Variants in PRPF6 observed in about 807,000 individuals in gnomAD.
PRPF6 encodes the protein pre-mRNA processing factor 6, also known as pre-mRNA-processing factor 6.
In PRPF6, 42 loss-of-function variants were observed where a neutral mutation model predicts 118.3. The observed-to-expected ratio is 0.35, with a 90% CI of 0.28 to 0.46. The LOEUF is 0.46. Ranked by LOEUF, PRPF6 falls within the 20% of genes least tolerant of loss-of-function variation. PRPF6 has a pLI of 1.00. For synonymous variants in PRPF6, 481 were observed against 485.1 expected, an observed-to-expected ratio of 0.99 and a Z score of 0.11; for missense variants, 662 against 1,255.7, an observed-to-expected ratio of 0.53 and a Z score of 7.15.
chr20:63,995,857 A>G (rs942946011), intron 6 of PRPF6, among the ~76,000 whole-genome samples: 8 of 151,970 alleles, frequency 5.3e-5, no homozygotes, highest in Non-Finnish European at 7.4e-5. Flanking sequence ...GGGTTTTACC[A>G]TGTTGGCCAG....
intron 9 of PRPF6, among the ~76,000 whole-genome samples, chr20:64,004,859 G>A (rs970935088): frequency 6.6e-6 from 1 of 152,206 alleles, no homozygotes; most frequent in African/African-American, 2.4e-5. Flanking sequence ...GTGTGGAAGT[G>A]GAGTTATTTT....
chr20:63,993,738 ATTTTCTTTTTTCTT>A (rs1354063478), intron 4 of PRPF6, among the ~76,000 whole-genome samples: 1 of 150,532 alleles, frequency 6.6e-6, no homozygotes, highest in Non-Finnish European at 1.5e-5. Flanking sequence ...TATACCTAAG[ATTTTCTTTTTTCTT>A]TTTTCTTTTT....
At chr20:64,032,327 T>A (rs564091636) in intron 20 of PRPF6, among the ~76,000 whole-genome samples, 3 of 152,346 alleles carry the variant, frequency 2.0e-5, no homozygotes, top group Admixed American at 2.0e-4. Context: ...AACGAGTTAT[T>A]TGCTGGCTGG....
Position 63,995,084 on chromosome 20 carries a change from C to G in PRPF6, c.607C>G (p.Arg203Gly), listed in dbSNP as rs760901426. The change falls in exon 5 of 21, where the codon CGA (arginine) becomes GGA (glycine). Residue 203 changes from arginine (R) to glycine (G), a missense_variant. Transcript: ENST00000266079. ...AGAGAACCATACCTCAGTGGATCCC[C>G]GACAAACTGTGAGCTTCCAAAAAAG... Reference protein sequence around the residue: ...TGENHTSVDPRQTQFGGLNTP... With the variant: ...TGENHTSVDPGQTQFGGLNTP... The G allele has an allele frequency of 6.2e-7, 1 of 1,614,082 alleles. No individual in the cohort carries two copies. Among genetic ancestry groups the G allele is most frequent in the Non-Finnish European group, 8.5e-7 (1 of 1,180,012 alleles).
intron 9 of PRPF6, among the ~76,000 whole-genome samples, chr20:64,002,474 T>C (rs2059171973): frequency 6.6e-6 from 1 of 151,560 alleles, no homozygotes; most frequent in African/African-American, 2.4e-5. Context: ...TAGCCGGGAT[T>C]ACAGGTGTGC....
At chr20:63,990,802 G>A (rs540908286) in intron 3 of PRPF6, among the ~76,000 whole-genome samples, 4 of 152,030 alleles carry the variant, frequency 2.6e-5, no homozygotes, top group African/African-American at 4.8e-5. Context: ...GCACCGCCAC[G>A]CCCGGCTGAT....
chr20:64,017,423 A>G, intron 12 of PRPF6, among the ~76,000 whole-genome samples: 1 of 149,782 alleles, frequency 6.7e-6, no homozygotes, highest in African/African-American at 2.5e-5. Context: ...CCGGCCTCCC[A>G]GAGTGCTGGG....
Position 64,011,237 on chromosome 20 carries a change from C to A in PRPF6, c.1306-48C>A. On this transcript the variant is annotated intron_variant, in intron 10 of 20. Coordinates refer to ENST00000266079, the MANE Select transcript of PRPF6 (RefSeq NM_012469.4). This position sits in a 1 kb window ranked among gnomAD's most constrained non-coding sequence, Gnocchi z 6.7. ...GGGTCGCTGTCTGGCCTGCAGCTGT[C>A]CCCCCAGCACAGTGTCCTCTCCTTT... The A allele has an allele frequency of 1.9e-6, 3 of 1,574,896 alleles. No individual in the cohort carries two copies. Among genetic ancestry groups the A allele is most frequent in the African/African-American group, 1.3e-5 (1 of 74,206 alleles).
chr20:63,997,496 A>T (rs1260036184), intron 6 of PRPF6, among the ~76,000 whole-genome samples: 2 of 144,858 alleles, frequency 1.4e-5, no homozygotes, highest in East Asian at 4.0e-4. Context: ...TGGCACCGTC[A>T]CCCGAGCTGG....
Position 63,981,158 on chromosome 20 carries a change from A to C in PRPF6, c.-88A>C. On this transcript the variant is annotated 5_prime_UTR_variant, in exon 1 of 21. Coordinates refer to ENST00000266079, the MANE Select transcript of PRPF6 (RefSeq NM_012469.4). ...ACGGCGACACTTTGCTACGGAGTGC[A>C]TCGGACGTCGAAGCCTAGAGTCTCT... 3 of 1,380,702 alleles carry C rather than the reference A, an allele frequency of 2.2e-6. No individual in the cohort carries two copies. Among genetic ancestry groups the C allele is most frequent in the Non-Finnish European group, 3.0e-6 (3 of 992,018 alleles). 85.5% of individuals were successfully genotyped at this position (1,380,702 alleles called of 1,614,324 possible).
intron 1 of PRPF6, 76 bp downstream of exon 1, chr20:63,981,392 G>C (rs999302487): frequency 2.5e-5 from 34 of 1,385,290 alleles, no homozygotes; most frequent in Non-Finnish European, 3.1e-5. Context: ...GTTTGGGGGC[G>C]GGGGTCTATG....
intron 19 of PRPF6, among the ~76,000 whole-genome samples, chr20:64,030,320 G>A (rs964915362): frequency 2.0e-5 from 3 of 152,172 alleles, no homozygotes; most frequent in South Asian, 2.1e-4. Context: ...CAGAGGTGGC[G>A]TGTCTGGCCC....
At chr20:63,982,708 T>C (rs1288600284) in intron 1 of PRPF6, among the ~76,000 whole-genome samples, 1 of 152,078 alleles carries the variant, frequency 6.6e-6, no homozygotes, top group Non-Finnish European at 1.5e-5. Context: ...GGGACAGCTG[T>C]TATCAGCTGA....
intron 9 of PRPF6, among the ~76,000 whole-genome samples, chr20:64,006,976 C>T (rs1057059138): frequency 6.6e-6 from 1 of 152,236 alleles, no homozygotes; most frequent in African/African-American, 2.4e-5. Flanking sequence ...TGTGCAGAAC[C>T]ATGCGTAAAC....
chr20:64,000,815 C>T (rs1197982292), intron 8 of PRPF6, among the ~76,000 whole-genome samples: 2 of 152,198 alleles, frequency 1.3e-5, no homozygotes, highest in Non-Finnish European at 2.9e-5. Context: ...GATCCACCTG[C>T]CTCGGCCTCC....
In PRPF6 at chr20:63,995,074, A is replaced by C; in HGVS notation, c.597A>C (p.Ser199=). The C allele has an allele frequency of 1.2e-6, 2 of 1,614,094 alleles. No individual in the cohort carries two copies. The highest frequency in any genetic ancestry group is 1.1e-5 in the South Asian group (1 of 91,080). ...TACAGACCGGAGAGAACCATACCTCAGTGGATCCCCGACAAACTGTGAGCT... is the reference window on the plus strand; with the variant it reads ...TACAGACCGGAGAGAACCATACCTCCGTGGATCCCCGACAAACTGTGAGCT... ...KHLQTGENHT[S]VDPRQTQFGG... is the part of the protein sequence containing the mutation. The change falls in exon 5 of 21, where the codon TCA becomes TCC. Residue 199 remains serine, a synonymous_variant. Transcript: ENST00000266079.
At chr20:64,018,605 G>T (rs548785301) in intron 12 of PRPF6, among the ~76,000 whole-genome samples, 2 of 152,102 alleles carry the variant, frequency 1.3e-5, no homozygotes, top group Admixed American at 6.6e-5. Flanking sequence ...TTGCTAAATG[G>T]TGATTTTTTT....
At chr20:63,998,862 T>C (rs1476656322) in intron 6 of PRPF6, among the ~76,000 whole-genome samples, 183 bp from the exon 7 acceptor site, 1 of 151,416 alleles carries the variant, frequency 6.6e-6, no homozygotes, top group African/African-American at 2.4e-5. Context: ...AAAAAATAGA[T>C]CTTTTTCCAT....
intron 1 of PRPF6, among the ~76,000 whole-genome samples, chr20:63,982,653 A>G (rs1203666405): frequency 6.6e-6 from 1 of 152,158 alleles, no homozygotes; most frequent in Non-Finnish European, 1.5e-5. Context: ...GGATGGGGAA[A>G]GTGGGAGAGG....
Sources: allele counts gnomAD v4.1 joint callset (sites outside exome capture counted in the v4.1 genomes callset), GRCh38; gene constraint gnomAD v4.1.1; non-coding constraint Gnocchi (gnomAD v3.1); transcripts MANE v1.5; gene names NCBI Gene and HGNC (gene_info 2026-07-23, HGNC 2026-07-21).